Variants in ZNF215 observed in about 807,000 individuals in gnomAD.
ZNF215 encodes zinc finger protein 215, also known as BWSCR2-associated zinc finger protein 2.
Under a neutral mutation model 27.2 loss-of-function variants are expected in ZNF215, and 24 were observed. That is an observed-to-expected ratio of 0.88 (90% CI 0.64 to 1.24). The LOEUF is 1.24. ZNF215 is among the 50% of genes most tolerant of loss of function. The pLI, the probability that ZNF215 is intolerant of heterozygous loss-of-function variation, is 0.00. For missense variants in ZNF215, 675 were observed against 605.7 expected (o/e 1.11, Z -1.20); for synonymous variants, 210 against 204.0 (o/e 1.03, Z -0.25).
chr11:6,942,050 G>A (rs933115657), intron 4 of ZNF215, among the ~76,000 whole-genome samples: 6 of 152,154 alleles, frequency 3.9e-5, no homozygotes, highest in Non-Finnish European at 8.8e-5. Context: ...CTGAGACCAA[G>A]GGGTAAGAAT....
At chr11:6,973,333 T>C (rs1483924853) in intron 5 of ZNF215, among the ~76,000 whole-genome samples, 1 of 152,214 alleles carries the variant, frequency 6.6e-6, no homozygotes, top group Non-Finnish European at 1.5e-5. Flanking sequence ...TCTTTGCTAT[T>C]GTGAATAGTG....
At chr11:6,986,499 A>G (rs971566336), downstream of ZNF215, among the ~76,000 whole-genome samples, 1 of 137,686 alleles carries the variant, frequency 7.3e-6, no homozygotes, top group Admixed American at 7.7e-5. Flanking sequence ...TCCTCTTGCA[A>G]CAAACCAAAA....
At chr11:6,949,525 T>C (rs2133258843) in intron 6 of ZNF215, among the ~76,000 whole-genome samples, 1 of 152,162 alleles carries the variant, frequency 6.6e-6, no homozygotes, top group African/African-American at 2.4e-5. Flanking sequence ...TTTCATGTGT[T>C]TTTTGGCTGT....
intron 6 of ZNF215, among the ~76,000 whole-genome samples, chr11:6,945,028 T>C (rs76121085): frequency 0.068 from 10,384 of 152,184 alleles, 617 homozygotes; most frequent in African/African-American, 0.16. Context: ...AAGAGGAACT[T>C]GACATTAAAG....
intron 3 of ZNF215, among the ~76,000 whole-genome samples, chr11:6,938,634 C>T (rs557493475): frequency 1.3e-5 from 2 of 152,028 alleles, no homozygotes; most frequent in East Asian, 3.9e-4. Flanking sequence ...CCAAAACATG[C>T]TAAGTGAGAG....
rs1023995389 is a variant in ZNF215 at position 6,933,881 on chromosome 11, T to C, written c.400+1209T>C. On this transcript the variant is annotated intron_variant, in intron 3 of 6. Transcript: ENST00000278319. ...AACATGTTAAACTATACCGTGATAA[T>C]ACCATGTGTAAAATCCAAACTGGGA... 9.3e-5 allele frequency among the ~76,000 whole-genome samples: 14 copies of C among 151,322 alleles called. No homozygotes were observed. In the East Asian group the frequency reaches 2.3e-3, roughly 25 times the overall value.
At chr11:6,947,617 A>G (rs898405195) in intron 6 of ZNF215, among the ~76,000 whole-genome samples, 1 of 152,220 alleles carries the variant, frequency 6.6e-6, no homozygotes, top group African/African-American at 2.4e-5. Context: ...CATGAGTAAC[A>G]AAGATTTAAT....
intron 5 of ZNF215, among the ~76,000 whole-genome samples, chr11:6,973,282 A>C (rs534807403): frequency 1.3e-5 from 2 of 152,194 alleles, no homozygotes; most frequent in Admixed American, 6.5e-5. Flanking sequence ...ACATTTTCTT[A>C]ATCCAGTCTA....
intron 3 of ZNF215, among the ~76,000 whole-genome samples, chr11:6,935,162 A>G (rs950877926): frequency 6.6e-5 from 10 of 152,354 alleles, no homozygotes; most frequent in African/African-American, 2.4e-4. Flanking sequence ...CTGGAGAATG[A>G]TATGCTTTGA....
intron 5 of ZNF215, among the ~76,000 whole-genome samples, chr11:6,975,351 A>G (rs564531491): frequency 6.6e-6 from 1 of 151,982 alleles, no homozygotes; most frequent in Non-Finnish European, 1.5e-5. Context: ...AGAGTAGGGT[A>G]TCCATCCCCT....
At chr11:6,946,798 T>A (rs988514053) in intron 6 of ZNF215, among the ~76,000 whole-genome samples, 2 of 152,224 alleles carry the variant, frequency 1.3e-5, no homozygotes, top group East Asian at 3.8e-4. Context: ...GTAGGCATAA[T>A]GTTTCTTTTT....
chr11:6,956,432 G>A lies in ZNF215; in HGVS notation c.1455G>A (p.Thr485=), dbSNP rs559191705. The A allele has an allele frequency of 1.5e-5, 25 of 1,614,070 alleles. No individual in the cohort carries two copies. Among genetic ancestry groups the A allele is most frequent in the South Asian group, 7.7e-5 (7 of 91,072 alleles). Residue 485 remains threonine (T), a synonymous_variant, in exon 7 of 7, where the codon ACG becomes ACA. Coordinates refer to ENST00000278319, the MANE Select transcript of ZNF215 (RefSeq NM_013250.4). ...SSLIRHQMIH[T]GEKPFKCKEC... ...TTATTCGACACCAAATGATTCACAC[G>A]GGAGAGAAACCATTCAAATGTAAGG...
At chr11:6,978,839 A>G (rs1451883202) in intron 5 of ZNF215, among the ~76,000 whole-genome samples, 2 of 152,120 alleles carry the variant, frequency 1.3e-5, no homozygotes, top group African/African-American at 4.8e-5. Context: ...AATGTGGTTA[A>G]TATAATCCAC....
At chr11:6,975,578 T>C (rs914484049) in intron 5 of ZNF215, among the ~76,000 whole-genome samples, 3 of 152,084 alleles carry the variant, frequency 2.0e-5, no homozygotes, top group African/African-American at 7.2e-5. Context: ...GTGAGTTCAA[T>C]TGTTTTAACC....
Sources: gnomAD v4.1 joint callset for allele counts (sites outside exome capture counted in the v4.1 genomes callset) on GRCh38, gnomAD v4.1.1 for gene constraint, MANE v1.5 for transcripts, NCBI Gene and HGNC (gene_info 2026-07-23, HGNC 2026-07-21) for gene names.